Variants in ESRP1 observed in about 807,000 individuals in gnomAD.
The protein encoded by ESRP1 is RNA-binding motif protein 35A.
ESRP1 carries 33 observed loss-of-function variants against 81.7 expected under a neutral mutation model. That is an observed-to-expected ratio of 0.40 (90% CI 0.31 to 0.54). The LOEUF (loss-of-function observed/expected upper bound fraction) is 0.54. Among genes scored for constraint, ESRP1 ranks in the 20% least tolerant of loss-of-function variants. The pLI is 0.41. For synonymous variants in ESRP1, 320 were observed against 303.3 expected (o/e 1.06, Z -0.57); for missense variants, 672 against 833.1 (o/e 0.81, Z 2.38).
At chr8:94,684,895 G>A (rs1318394143) in intron 13 of ESRP1, among the ~76,000 whole-genome samples, 1 of 151,958 alleles carries the variant, frequency 6.6e-6, no homozygotes, top group African/African-American at 2.4e-5. Context: ...TTGGGATGGT[G>A]GCACCCATTT....
At chr8:94,668,611 C>T (rs1285097533) in intron 10 of ESRP1, among the ~76,000 whole-genome samples, 1 of 152,068 alleles carries the variant, frequency 6.6e-6, no homozygotes, top group Admixed American at 6.5e-5. Context: ...TTTTTTCTAC[C>T]AGAAGAAATT....
intron 13 of ESRP1, among the ~76,000 whole-genome samples, chr8:94,682,904 T>TTATATATATATATATATATATATATA (rs1170938965): frequency 6.7e-5 from 2 of 29,848 alleles, no homozygotes; most frequent in African/African-American, 3.6e-4. Flanking sequence ...ATTCATTATT[T>TTATATATATATATATATATATATATA]TATATATATA....
chr8:94,673,286 A>G (rs1054227553), intron 11 of ESRP1, among the ~76,000 whole-genome samples: 2 of 152,150 alleles, frequency 1.3e-5, no homozygotes, highest in African/African-American at 4.8e-5. Flanking sequence ...TAACAACAGT[A>G]TTTGTCTCTC....
chr8:94,683,515 A>G (rs73695513), intron 13 of ESRP1, among the ~76,000 whole-genome samples: 3,109 of 152,336 alleles, frequency 0.02, 96 homozygotes, highest in African/African-American at 0.07. Context: ...CAATGGTAAC[A>G]TATGGGAATC....
intron 3 of ESRP1, among the ~76,000 whole-genome samples, chr8:94,645,443 G>A (rs3133632): frequency 1 from 151,759 of 152,028 alleles, 75,745 homozygotes; most frequent in East Asian, 1. Context: ...AAAAAACAAA[G>A]GAAACAATAG....
At chr8:94,697,512 C>T (rs565084725) in intron 15 of ESRP1, among the ~76,000 whole-genome samples, 1 of 152,284 alleles carries the variant, frequency 6.6e-6, no homozygotes, top group South Asian at 2.1e-4. Context: ...TTTAGGTTCA[C>T]CCTTGTAGCA....
chr8:94,666,071 A>C (rs1819000785), intron 9 of ESRP1, among the ~76,000 whole-genome samples: 2 of 151,986 alleles, frequency 1.3e-5, no homozygotes, highest in Admixed American at 1.3e-4. Flanking sequence ...TTTTTGTCTG[A>C]TTTTTTTCTA....
At chr8:94,662,646 C>G in intron 6 of ESRP1, 91 bp downstream of exon 6, 1 of 1,154,140 alleles carries the variant, frequency 8.7e-7, no homozygotes, top group South Asian at 1.5e-5. Flanking sequence ...CTTGCTCTGT[C>G]GCCCAGGCTG....
intron 1 of ESRP1, 151 bp from the exon 2 acceptor site, chr8:94,641,805 G>A: frequency 8.0e-7 from 1 of 1,248,842 alleles, no homozygotes; most frequent in Non-Finnish European, 1.1e-6. Context: ...GGGCAGGAAC[G>A]CACCGGAACC....
chr8:94,706,114 A>AGCAGCAT lies in ESRP1; in HGVS notation c.*233_*239dup, dbSNP rs1266570510. Reference sequence around the variant, plus strand: ...TGAAGCCAAATCGTAACTTACAGCAAGCAGCATGCAGCATACCTGGCTCTT... The same window carrying AGCAGCAT: ...TGAAGCCAAATCGTAACTTACAGCAAGCAGCATGCAGCATGCAGCATACCTGGCTCTT... On this transcript the variant is annotated 3_prime_UTR_variant, in exon 16 of 16. Coordinates refer to ENST00000433389, the MANE Select transcript of ESRP1 (RefSeq NM_017697.4). 5.0e-6 allele frequency: 3 copies of AGCAGCAT among 602,724 alleles called. No individual in the cohort carries two copies. Among genetic ancestry groups the AGCAGCAT allele is most frequent in the African/African-American group, 3.7e-5 (2 of 53,540 alleles). The allele number at this position is 602,724 out of a possible 1,614,324, so 37.3% of individuals were successfully genotyped here.
At chr8:94,684,047 A>G (rs963994530) in intron 13 of ESRP1, among the ~76,000 whole-genome samples, 1 of 152,124 alleles carries the variant, frequency 6.6e-6, no homozygotes, top group Non-Finnish European at 1.5e-5. Flanking sequence ...GAGTTTGTCC[A>G]TGTTGGTCAA....
intron 13 of ESRP1, among the ~76,000 whole-genome samples, chr8:94,681,720 C>G (rs1181565144): frequency 6.6e-6 from 1 of 151,864 alleles, no homozygotes; most frequent in Non-Finnish European, 1.5e-5. Context: ...AGGCAGATCA[C>G]GAGGTCAGGG....
At chr8:94,699,059 C>G (rs956140868) in intron 15 of ESRP1, among the ~76,000 whole-genome samples, 11 of 151,944 alleles carry the variant, frequency 7.2e-5, no homozygotes, top group African/African-American at 2.7e-4. Context: ...TTCACATGTT[C>G]ATTGTTGAAC....
chr8:94,694,659 A>G (rs1316442497), intron 14 of ESRP1, among the ~76,000 whole-genome samples: 1 of 152,202 alleles, frequency 6.6e-6, no homozygotes, highest in Non-Finnish European at 1.5e-5. Context: ...CAACCATGCA[A>G]TCGGGATTAT....
rs140513594 is a variant in ESRP1 at position 94,657,948 on chromosome 8, T to C, written c.491-4324T>C. On this transcript the variant is annotated intron_variant, in intron 4 of 15. Coordinates refer to ENST00000433389, the MANE Select transcript of ESRP1 (RefSeq NM_017697.4). Reference sequence around the variant, plus strand: ...TTGTTTGCGATGGAGTCTTGCTCTGTTACCCGGGCTGGAGTGCAGCGGCCA... The same window carrying C: ...TTGTTTGCGATGGAGTCTTGCTCTGCTACCCGGGCTGGAGTGCAGCGGCCA... Among the ~76,000 whole-genome samples the C allele has an allele frequency of 3.6e-3, 547 of 152,296 alleles. 4 individuals carry two copies. The highest frequency in any genetic ancestry group is 0.022 in the South Asian group (105 of 4,820).
chr8:94,697,724 G>A (rs1167196387), intron 15 of ESRP1, among the ~76,000 whole-genome samples: 1 of 152,126 alleles, frequency 6.6e-6, no homozygotes, highest in Non-Finnish European at 1.5e-5. Flanking sequence ...TATAATCACT[G>A]AGTCATGTAG....
intron 15 of ESRP1, 146 bp from the exon 16 acceptor site, chr8:94,705,775 ATGTC>A (rs1810045441): frequency 1.5e-6 from 1 of 679,920 alleles, no homozygotes; most frequent in East Asian, 2.8e-5. Context: ...AATGCCAACT[ATGTC>A]TGTGTGAAAT....
chr8:94,671,446 A>C lies in ESRP1; in HGVS notation c.1234-7A>C. 1 of 1,609,600 alleles carries C rather than the reference A, an allele frequency of 6.2e-7. No homozygotes were observed. Among genetic ancestry groups the C allele is most frequent in the Non-Finnish European group, 8.5e-7 (1 of 1,177,426 alleles). On this transcript the variant is annotated splice_polypyrimidine_tract_variant and splice_region_variant and intron_variant, in intron 10 of 15. Transcript: ENST00000433389. ...TCTAAATTACTTCTGTTTTGCTTTG[A>C]GTACAGGTGCTGAATCGATTCTCCT...
In ESRP1 at chr8:94,668,217, A is replaced by G. The variant is rs760739838; in HGVS notation, c.1200A>G (p.Glu400=). 1.7e-5 allele frequency: 27 copies of G among 1,608,476 alleles called. No homozygotes were observed. Among genetic ancestry groups the G allele is most frequent in the Non-Finnish European group, 2.2e-5 (26 of 1,176,154 alleles). ...HKDLLGKRYI[E]LFRSTAAEVQ... is the part of the protein sequence containing the mutation. ...ACTTGTTGGGTAAAAGATACATTGA[A>G]CTCTTCAGGAGCACAGCAGCTGAAG... The change falls in exon 10 of 16, where the codon GAA becomes GAG. Residue 400 remains glutamate, a synonymous_variant. Transcript: ENST00000433389.
Sources: allele counts gnomAD v4.1 joint callset (sites outside exome capture counted in the v4.1 genomes callset), GRCh38; gene constraint gnomAD v4.1.1; transcripts MANE v1.5; gene names NCBI Gene and HGNC (gene_info 2026-07-23, HGNC 2026-07-21).